PTPRM: variants seen among roughly 807,000 people sequenced by gnomAD.
PTPRM encodes receptor-type tyrosine-protein phosphatase mu.
Under a neutral mutation model 186.7 loss-of-function variants are expected in PTPRM, and 47 were observed. That is an observed-to-expected ratio of 0.25 (90% CI 0.20 to 0.32). The LOEUF is 0.32. Among genes scored for constraint, PTPRM ranks in the 10% least tolerant of loss-of-function variants. The pLI is 1.00. For missense variants in PTPRM, 1,494 were observed against 1,865.0 expected, an observed-to-expected ratio of 0.80 and a Z score of 3.66; for synonymous variants, 668 against 674.9, an observed-to-expected ratio of 0.99 and a Z score of 0.16.
chr18:7,652,375 C>T (rs927765077), intron 1 of PTPRM, among the ~76,000 whole-genome samples: 5 of 152,052 alleles, frequency 3.3e-5, no homozygotes, highest in African/African-American at 4.8e-5. Context: ...ACCAGAAATA[C>T]CATTTGACCC....
At chr18:7,795,925 T>C (rs1432756251) in intron 2 of PTPRM, among the ~76,000 whole-genome samples, 1 of 151,028 alleles carries the variant, frequency 6.6e-6, no homozygotes, top group African/African-American at 2.4e-5. Context: ...GCAATCCTCC[T>C]GTTTCAGCCT....
intron 1 of PTPRM, among the ~76,000 whole-genome samples, chr18:7,659,844 C>G (rs1388558707): frequency 6.6e-6 from 1 of 152,104 alleles, no homozygotes; most frequent in African/African-American, 2.4e-5. Context: ...TAATCTAGTG[C>G]AGAAGCCTTA....
intron 11 of PTPRM, among the ~76,000 whole-genome samples, chr18:8,101,955 T>C (rs1423750479): frequency 6.6e-6 from 1 of 152,232 alleles, no homozygotes; most frequent in Non-Finnish European, 1.5e-5. Flanking sequence ...TTGGAGTTAT[T>C]GCAGGCTCAG....
At chr18:7,774,090 T>C in intron 1 of PTPRM, 59 bp from the exon 2 acceptor site, 1 of 1,520,386 alleles carries the variant, frequency 6.6e-7, no homozygotes, top group Admixed American at 1.8e-5. Context: ...GCAATCATCA[T>C]AGCTTATTCT....
chr18:8,219,282 A>G (rs1031615142), intron 14 of PTPRM, among the ~76,000 whole-genome samples: 1 of 152,156 alleles, frequency 6.6e-6, no homozygotes, highest in Non-Finnish European at 1.5e-5. Context: ...CCTGGCTAAC[A>G]TGGTGAAACC....
intron 14 of PTPRM, among the ~76,000 whole-genome samples, chr18:8,149,808 G>A (rs562880437): frequency 6.6e-6 from 1 of 152,236 alleles, no homozygotes; most frequent in African/African-American, 2.4e-5. Flanking sequence ...TTCATGTTTA[G>A]TGCTTCCTTC....
chr18:7,586,220 G>A (rs577820558), intron 1 of PTPRM, among the ~76,000 whole-genome samples: 1 of 152,120 alleles, frequency 6.6e-6, no homozygotes, highest in Admixed American at 6.5e-5. Context: ...TGCATACATC[G>A]TGGGCTTAAC....
chr18:8,305,527 G>A (rs1042706121), intron 20 of PTPRM, among the ~76,000 whole-genome samples: 15 of 152,092 alleles, frequency 9.9e-5, no homozygotes, highest in Admixed American at 2.6e-4. Context: ...GGCACAGAGC[G>A]GTCAAATAAC....
In PTPRM at chr18:8,307,631, C is replaced by G. The variant is rs539110343; in HGVS notation, c.2843-7150C>G. 2.6e-5 allele frequency among the ~76,000 whole-genome samples: 4 copies of G among 152,042 alleles called. No homozygotes were observed. The South Asian group carries it at 8.3e-4, about 32-fold the overall frequency. On this transcript the variant is annotated intron_variant, in intron 20 of 32. Coordinates refer to ENST00000580170, the MANE Select transcript of PTPRM (RefSeq NM_001105244.2). Reference sequence around the variant, plus strand: ...CCAGCCTGGCCAACATGGTGAAACCCCGTCTCTACTGAAAATACAGAAATT... The same window carrying G: ...CCAGCCTGGCCAACATGGTGAAACCGCGTCTCTACTGAAAATACAGAAATT...
chr18:7,897,567 C>G (rs993800510), intron 3 of PTPRM, among the ~76,000 whole-genome samples: 11 of 152,282 alleles, frequency 7.2e-5, no homozygotes, highest in African/African-American at 2.4e-4. Flanking sequence ...TGACTTAGAA[C>G]TGTATTTAGG....
intron 20 of PTPRM, among the ~76,000 whole-genome samples, chr18:8,305,395 C>T (rs2095210780): frequency 6.6e-6 from 1 of 152,118 alleles, no homozygotes; most frequent in Non-Finnish European, 1.5e-5. Flanking sequence ...GCTAACTTTC[C>T]CTTACTTCTT....
Position 7,871,594 on chromosome 18 carries a change from T to C in PTPRM, c.197-16512T>C, listed in dbSNP as rs562915031. ...CACAAATGTTTGTGGAATGAACAAA[T>C]GTTGAATCCCCAGCCTGTTCTCCAT... On this transcript the variant is annotated intron_variant, in intron 2 of 32. Transcript: ENST00000580170. 5.9e-5 allele frequency among the ~76,000 whole-genome samples: 9 copies of C among 152,326 alleles called. No individual in the cohort carries two copies. In the South Asian group the frequency reaches 1.9e-3, roughly 32 times the overall value.
intron 2 of PTPRM, among the ~76,000 whole-genome samples, chr18:7,871,263 T>G (rs1462386943): frequency 1.3e-5 from 2 of 152,174 alleles, no homozygotes; most frequent in Admixed American, 1.3e-4. Context: ...ATAAAGTATC[T>G]TCCTCTACCC....
chr18:8,126,008 T>TAC (rs1302801220), intron 13 of PTPRM, among the ~76,000 whole-genome samples: 2 of 22,518 alleles, frequency 8.9e-5, no homozygotes, highest in East Asian at 1.5e-3. Context: ...TATATATATA[T>TAC]ATATATATAT....
chr18:7,921,118 T>C (rs1031998910), intron 4 of PTPRM, among the ~76,000 whole-genome samples: 2 of 152,194 alleles, frequency 1.3e-5, no homozygotes. Flanking sequence ...TTTCTGTCCC[T>C]GGATATTTAT....
chr18:8,318,880 G>A (rs572355851), intron 21 of PTPRM, among the ~76,000 whole-genome samples: 2 of 152,238 alleles, frequency 1.3e-5, no homozygotes, highest in Non-Finnish European at 2.9e-5. Context: ...CTTTGTAAGA[G>A]TAATGCTCAT....
At chr18:7,653,690 A>C (rs1432627973) in intron 1 of PTPRM, among the ~76,000 whole-genome samples, 1 of 152,132 alleles carries the variant, frequency 6.6e-6, no homozygotes, top group Non-Finnish European at 1.5e-5. Flanking sequence ...GTGTGTATGT[A>C]CTACATTTTC....
chr18:8,325,804 A>G (rs1048061641), intron 22 of PTPRM, among the ~76,000 whole-genome samples: 5 of 152,202 alleles, frequency 3.3e-5, no homozygotes, highest in African/African-American at 7.2e-5. Flanking sequence ...CCAGCACTCT[A>G]TAAGCGTTCC....
At chr18:7,773,818 G>A (rs751655338) in intron 1 of PTPRM, among the ~76,000 whole-genome samples, 1 of 152,132 alleles carries the variant, frequency 6.6e-6, no homozygotes. Context: ...GACCTCAGGC[G>A]ATCTGGCCGC....
Sources: gnomAD v4.1 joint callset for allele counts (sites outside exome capture counted in the v4.1 genomes callset) on GRCh38, gnomAD v4.1.1 for gene constraint, MANE v1.5 for transcripts, NCBI Gene and HGNC (gene_info 2026-07-23, HGNC 2026-07-21) for gene names.